The following TMTC2 variants were observed in gnomAD, a reference collection of about 807,000 sequenced individuals.
TMTC2 encodes the protein transmembrane O-mannosyltransferase targeting cadherins 2.
A neutral mutation model predicts 82.4 loss-of-function variants in TMTC2; 43 were observed. That is an observed-to-expected ratio of 0.52 (90% confidence interval 0.41 to 0.67). The LOEUF (loss-of-function observed/expected upper bound fraction) is 0.67. TMTC2 is among the 30% of genes least tolerant of loss of function. The pLI is 0.00. For synonymous variants in TMTC2, 408 were observed against 381.9 expected (o/e 1.07, Z -0.80); for missense variants, 919 against 1,012.4 (o/e 0.91, Z 1.25).
At chr12:83,055,519 T>C (rs1362593933) in intron 10 of TMTC2, among the ~76,000 whole-genome samples, 1 of 152,054 alleles carries the variant, frequency 6.6e-6, no homozygotes, top group Non-Finnish European at 1.5e-5. Flanking sequence ...ATCTATAGCG[T>C]TATGAGAAGA....
At chr12:82,826,255 T>C (rs1468688343) in intron 1 of TMTC2, among the ~76,000 whole-genome samples, 1 of 152,166 alleles carries the variant, frequency 6.6e-6, no homozygotes, top group Admixed American at 6.5e-5. Flanking sequence ...CTTTCCTTCT[T>C]ATGGTGAGTT....
At chr12:82,970,370 G>A (rs1878393927) in intron 7 of TMTC2, among the ~76,000 whole-genome samples, 1 of 152,204 alleles carries the variant, frequency 6.6e-6, no homozygotes, top group Admixed American at 6.5e-5. Context: ...TGTCGCCCAG[G>A]CGGGACTGCG....
chr12:83,111,379 A>G (rs1376409628), intron 11 of TMTC2, among the ~76,000 whole-genome samples: 1 of 152,266 alleles, frequency 6.6e-6, no homozygotes. Flanking sequence ...TTTGTAGCAT[A>G]GAAGTAGTCA....
Position 82,703,340 on chromosome 12 carries a change from A to G in TMTC2, c.83+15671A>G, listed in dbSNP as rs79649670. ...ATAAATTAACTTTGGTGATATTGAGAGAAGTGGACTTGGAGAGGATTTTGC... is the reference window on the plus strand; with the variant it reads ...ATAAATTAACTTTGGTGATATTGAGGGAAGTGGACTTGGAGAGGATTTTGC... On this transcript the variant is annotated intron_variant, in intron 1 of 11. Transcript: ENST00000321196. Among the ~76,000 whole-genome samples, 464 of 152,284 alleles carry G rather than the reference A, an allele frequency of 3.0e-3. 3 individuals are homozygous for G. Among genetic ancestry groups the G allele is most frequent in the African/African-American group, 0.011 (453 of 41,558 alleles).
chr12:82,724,918 T>C (rs1244700211), intron 1 of TMTC2, among the ~76,000 whole-genome samples: 1 of 152,192 alleles, frequency 6.6e-6, no homozygotes, highest in East Asian at 1.9e-4. Context: ...TGAGGGATGA[T>C]ACATGCAGGC....
At chr12:82,878,433 C>T (rs938803826) in intron 2 of TMTC2, among the ~76,000 whole-genome samples, 1 of 152,092 alleles carries the variant, frequency 6.6e-6, no homozygotes, top group African/African-American at 2.4e-5. Flanking sequence ...CCTGGAGAAA[C>T]TGAATTGTTG....
At chr12:82,809,963 G>T (rs17009997) in intron 1 of TMTC2, among the ~76,000 whole-genome samples, 7,938 of 152,126 alleles carry the variant, frequency 0.052, 269 homozygotes, top group Middle Eastern at 0.14. Flanking sequence ...AATTAGGCTG[G>T]TCCTTTCTGT....
At chr12:83,023,631 G>T (rs1324365545) in intron 8 of TMTC2, among the ~76,000 whole-genome samples, 1 of 152,226 alleles carries the variant, frequency 6.6e-6, no homozygotes, top group African/African-American at 2.4e-5. Context: ...CTTCAGGGAA[G>T]CTTTGCTCAG....
intron 11 of TMTC2, among the ~76,000 whole-genome samples, chr12:83,075,454 G>A (rs1403764410): frequency 2.6e-5 from 4 of 152,142 alleles, no homozygotes; most frequent in East Asian, 3.9e-4. Context: ...TAAATTGACA[G>A]ACACACCCCT....
intron 1 of TMTC2, among the ~76,000 whole-genome samples, chr12:82,783,474 A>G (rs1878013192): frequency 6.6e-6 from 1 of 152,004 alleles, no homozygotes; most frequent in Non-Finnish European, 1.5e-5. Context: ...GATATTTTGT[A>G]GTCCAGTGAG....
intron 1 of TMTC2, among the ~76,000 whole-genome samples, chr12:82,701,473 C>T (rs1039583530): frequency 4.0e-5 from 6 of 151,674 alleles, no homozygotes; most frequent in South Asian, 2.1e-4. Flanking sequence ...TAATCTTGGC[C>T]GGGCACTGTG....
At chr12:82,752,549 C>T (rs550162332) in intron 1 of TMTC2, among the ~76,000 whole-genome samples, 3 of 152,072 alleles carry the variant, frequency 2.0e-5, no homozygotes, top group East Asian at 1.9e-4. Context: ...ACGATAGGGG[C>T]GCTGTTTATA....
intron 1 of TMTC2, among the ~76,000 whole-genome samples, chr12:82,849,870 C>G (rs1193077445): frequency 6.6e-6 from 1 of 152,122 alleles, no homozygotes; most frequent in South Asian, 2.1e-4. Context: ...TGGTTTCACC[C>G]TCAGGCTGAC....
intron 1 of TMTC2, among the ~76,000 whole-genome samples, chr12:82,802,887 C>T (rs966102568): frequency 2.0e-4 from 30 of 152,038 alleles, no homozygotes; most frequent in African/African-American, 5.6e-4. Context: ...GATGCTCCGG[C>T]GATGGAGACA....
intron 8 of TMTC2, among the ~76,000 whole-genome samples, chr12:83,012,338 C>A (rs998452834): frequency 2.0e-5 from 3 of 151,938 alleles, no homozygotes; most frequent in African/African-American, 7.3e-5. Flanking sequence ...TTTTACACAA[C>A]TAATTAGACA....
At chr12:82,750,889 GT>G (rs957155860) in intron 1 of TMTC2, among the ~76,000 whole-genome samples, 1 of 151,806 alleles carries the variant, frequency 6.6e-6, no homozygotes, top group East Asian at 1.9e-4. Flanking sequence ...ACAAATTCCA[GT>G]TTTTTTTGAA....
chr12:82,964,653 C>T (rs1242963579), intron 4 of TMTC2, among the ~76,000 whole-genome samples: 2 of 152,104 alleles, frequency 1.3e-5, no homozygotes, highest in African/African-American at 4.8e-5. Context: ...ATACATATCT[C>T]ACTGCCTTAG....
chr12:82,998,579 A>G (rs1158566107), intron 8 of TMTC2, among the ~76,000 whole-genome samples: 1 of 152,198 alleles, frequency 6.6e-6, no homozygotes, highest in East Asian at 1.9e-4. Context: ...TAGAAACAGC[A>G]TTTGGTGATT....
chr12:82,817,470 T>A (rs1345311432), intron 1 of TMTC2, among the ~76,000 whole-genome samples: 1 of 152,176 alleles, frequency 6.6e-6, no homozygotes, highest in Non-Finnish European at 1.5e-5. Flanking sequence ...GTAATAATTC[T>A]TGAATGTGTT....
Sources: allele counts gnomAD v4.1 joint callset (sites outside exome capture counted in the v4.1 genomes callset), GRCh38; gene constraint gnomAD v4.1.1; transcripts MANE v1.5; gene names NCBI Gene and HGNC (gene_info 2026-07-23, HGNC 2026-07-21).